The following TICAM2 variants were observed in gnomAD, a reference collection of about 807,000 sequenced individuals.
TICAM2 encodes TIR domain containing adaptor molecule 2, also known as TIR domain-containing adapter molecule 2.
A neutral mutation model predicts 7.3 loss-of-function variants in TICAM2; 8 were observed. That is an observed-to-expected ratio of 1.10 (90% confidence interval 0.65 to 1.99). The LOEUF is 1.99. Ranked by LOEUF, TICAM2 falls within the 30% of genes most tolerant of loss-of-function variation. The pLI is 0.00. For synonymous variants in TICAM2, 113 were observed against 99.6 expected (o/e 1.13, Z -0.80); for missense variants, 304 against 278.8 (o/e 1.09, Z -0.65).
In TICAM2 at chr5:115,580,480, GC is replaced by G. The variant is rs1754875863; in HGVS notation, c.*68del. Reference sequence around the variant, plus strand: ...TTTATTTAAACATTTCCTAGAAACTGCTTTCTCAAGTGAAGATTAATCATTT... The same window carrying G: ...TTTATTTAAACATTTCCTAGAAACTGTTTCTCAAGTGAAGATTAATCATTT... On this transcript the variant is annotated 3_prime_UTR_variant, in exon 2 of 2. Coordinates refer to ENST00000427199, the MANE Select transcript of TICAM2 (RefSeq NM_021649.7). 1 of 1,453,358 alleles carries G rather than the reference GC, an allele frequency of 6.9e-7. No individual in the cohort carries two copies. The highest frequency in any genetic ancestry group is 2.5e-5 in the East Asian group (1 of 40,038). The allele number at this position is 1,453,358 out of a possible 1,614,324, so 90.0% of individuals were successfully genotyped here.
chr5:115,593,819 C>T (rs1561577563), intron 1 of TICAM2, among the ~76,000 whole-genome samples: 1 of 152,078 alleles, frequency 6.6e-6, no homozygotes, highest in African/African-American at 2.4e-5. Context: ...AAATGTTAGA[C>T]AAATTGCTAA....
rs73254573 is a variant in TICAM2, at chr5:115,591,684, C to T, written c.-59-10369G>A. 8.8e-3 allele frequency among the ~76,000 whole-genome samples: 1,334 copies of T among 151,896 alleles called. 15 individuals are homozygous for T. The highest frequency in any genetic ancestry group is 0.031 in the African/African-American group (1,269 of 41,418). On this transcript the variant is annotated intron_variant, in intron 1 of 1. Transcript: ENST00000427199. ...TAGATTAGATCAGCAGCAGAAGGAA[C>T]TCATGAACTAGAAAACAAGCTAGAA...
At chr5:115,600,661 C>T (rs1755691459) in intron 1 of TICAM2, among the ~76,000 whole-genome samples, 1 of 152,136 alleles carries the variant, frequency 6.6e-6, no homozygotes, top group African/African-American at 2.4e-5. Flanking sequence ...AAGATGAGAA[C>T]TGTGCACAGA....
In TICAM2 at chr5:115,579,341, T is replaced by C. The variant is rs1754833148; in HGVS notation, c.*1208A>G. 1 of 152,568 alleles carries C rather than the reference T, an allele frequency of 6.6e-6. No homozygotes were observed. The highest frequency in any genetic ancestry group is 2.4e-5 in the African/African-American group (1 of 41,454). The allele number at this position is 152,568 out of a possible 1,614,324, so 9.5% of individuals were successfully genotyped here. A position where few individuals can be genotyped will look rare whatever the true frequency, so the allele number is the denominator to read the frequency against. On this transcript the variant is annotated 3_prime_UTR_variant, in exon 2 of 2. Coordinates refer to ENST00000427199, the MANE Select transcript of TICAM2 (RefSeq NM_021649.7). The stretch of plus-strand genomic sequence containing the variant: ...GATCCATCAATTCAACCCTTTCATT[T>C]CACAGATAAAGGAGGGTAAATAGTT...
chr5:115,599,433 A>G (rs910870713), intron 1 of TICAM2, among the ~76,000 whole-genome samples: 2 of 152,220 alleles, frequency 1.3e-5, no homozygotes, highest in African/African-American at 4.8e-5. Flanking sequence ...TTATAAAAAC[A>G]TAGAACTTAA....
rs768218503 is a variant in TICAM2 at position 115,580,958 on chromosome 5, A to G, written c.299T>C (p.Leu100Pro). The G allele has an allele frequency of 3.2e-5, 51 of 1,613,442 alleles. No individual in the cohort carries two copies. Among genetic ancestry groups the G allele is most frequent in the Non-Finnish European group, 3.2e-5 (38 of 1,179,630 alleles). The change falls in exon 2 of 2, where the codon CTA (leucine) becomes CCA (proline). Residue 100 changes from leucine to proline, a missense_variant. By Grantham distance (98) the Leu-to-Pro change is moderately conservative. Coordinates refer to ENST00000427199, the MANE Select transcript of TICAM2 (RefSeq NM_021649.7). ...GGGTTTGATACCAAAGTCATCTTGT[A>G]GCAGATTCTGGACTCTGAGGGCTTC... is the stretch of plus-strand genomic sequence containing the variant. ...TDEALRVQNL[L>P]QDDFGIKPGI...
At chr5:115,587,391 G>A (rs1019375985) in intron 1 of TICAM2, among the ~76,000 whole-genome samples, 4 of 152,268 alleles carry the variant, frequency 2.6e-5, no homozygotes, top group African/African-American at 9.6e-5. Flanking sequence ...ATATGAAGGA[G>A]AGTTGTATTC....
At position 115,580,949 on chromosome 5, in the gene TICAM2, T is replaced by G. The variant is rs1194666574; in HGVS notation, c.308A>C (p.Asp103Ala). Reference sequence around the variant, plus strand: ...GATTATTCCGGGTTTGATACCAAAGTCATCTTGTAGCAGATTCTGGACTCT... The same window carrying G: ...GATTATTCCGGGTTTGATACCAAAGGCATCTTGTAGCAGATTCTGGACTCT... ...ALRVQNLLQD[D>A]FGIKPGIIFA... is the part of the protein sequence containing the mutation. The change falls in exon 2 of 2, where the codon GAC becomes GCC. Residue 103 changes from aspartate (D) to alanine (A), a missense_variant. By Grantham distance (126) the Asp-to-Ala change is moderately radical. Coordinates refer to ENST00000427199, the MANE Select transcript of TICAM2 (RefSeq NM_021649.7). 6.2e-7 allele frequency: 1 copy of G among 1,613,520 alleles called. No individual in the cohort carries two copies. The highest frequency in any genetic ancestry group is 8.5e-7 in the Non-Finnish European group (1 of 1,179,590).
chr5:115,592,577 C>T (rs1386092129), intron 1 of TICAM2, among the ~76,000 whole-genome samples: 2 of 151,420 alleles, frequency 1.3e-5, no homozygotes, highest in African/African-American at 2.4e-5. Context: ...CAAATAGTAG[C>T]CAAATATGTA....
chr5:115,584,821 AGAAG>A (rs1755046559), intron 1 of TICAM2, among the ~76,000 whole-genome samples: 1 of 152,212 alleles, frequency 6.6e-6, no homozygotes, highest in African/African-American at 2.4e-5. Flanking sequence ...GCCTGAGATA[AGAAG>A]GAAGGAGAGT....
At chr5:115,582,887 C>CAG (rs1554092244) in intron 1 of TICAM2, among the ~76,000 whole-genome samples, 1 of 151,868 alleles carries the variant, frequency 6.6e-6, no homozygotes, top group Non-Finnish European at 1.5e-5. Context: ...AGGAAAAAAA[C>CAG]AGAGAATTTC....
chr5:115,579,802 CT>C lies in TICAM2; in HGVS notation c.*746del, dbSNP rs2127189212. 6.6e-6 allele frequency: 1 copy of C among 152,220 alleles called. No homozygotes were observed. The highest frequency in any genetic ancestry group is 1.9e-4 in the East Asian group (1 of 5,174). The allele number at this position is 152,220 out of a possible 1,614,324, so 9.4% of individuals were successfully genotyped here. A position where few individuals can be genotyped will look rare whatever the true frequency, so the allele number is the denominator to read the frequency against. On this transcript the variant is annotated 3_prime_UTR_variant, in exon 2 of 2. Coordinates refer to ENST00000427199, the MANE Select transcript of TICAM2 (RefSeq NM_021649.7). ...TCTGGCCACTCACACAGTTATACGC[CT>C]TTTAGAAGCTCTGCAAATAAAGCCA...
At chr5:115,595,673 C>A (rs897803271) in intron 1 of TICAM2, among the ~76,000 whole-genome samples, 1 of 152,166 alleles carries the variant, frequency 6.6e-6, no homozygotes, top group Non-Finnish European at 1.5e-5. Context: ...CATTCTAGGC[C>A]CTTTATGATC....
At chr5:115,589,236 A>G (rs991647498) in intron 1 of TICAM2, among the ~76,000 whole-genome samples, 11 of 152,204 alleles carry the variant, frequency 7.2e-5, no homozygotes, top group African/African-American at 2.4e-4. Context: ...GGCCCTTCAC[A>G]GAAAAAGTGT....
intron 1 of TICAM2, among the ~76,000 whole-genome samples, chr5:115,598,771 T>G (rs1755605828): frequency 6.6e-6 from 1 of 152,224 alleles, no homozygotes; most frequent in African/African-American, 2.4e-5. Context: ...GGAATTTTCT[T>G]CTTTTCTTTT....
rs1334187706 is a variant in TICAM2 at position 115,578,629 on chromosome 5, TAAAC to T, written c.*1916_*1919del. 1.3e-5 allele frequency: 2 copies of T among 152,182 alleles called. No individual in the cohort carries two copies. 9.4% of individuals were successfully genotyped at this position (152,182 alleles called of 1,614,324 possible). A position where few individuals can be genotyped will look rare whatever the true frequency, so the allele number is the denominator to read the frequency against. ...CCACAATCTTCATTGGAGTTGAAAA[TAAAC>T]AAGTTTAGTCAAGAGTAAAGAATAA... On this transcript the variant is annotated 3_prime_UTR_variant, in exon 2 of 2. Transcript: ENST00000427199.
Position 115,580,909 on chromosome 5 carries a change from T to G in TICAM2, c.348A>C (p.Pro116=), listed in dbSNP as rs765539222. ...IKPGIIFAEM[P]CGRQHLQNLD... ...AATTCTGTAAATGCTGTCTGCCACATGGCATCTCAGCAAAGATTATTCCGG... is the reference window on the plus strand; with the variant it reads ...AATTCTGTAAATGCTGTCTGCCACAGGGCATCTCAGCAAAGATTATTCCGG... The change falls in exon 2 of 2, where the codon CCA becomes CCC. Residue 116 remains proline, a synonymous_variant. Coordinates refer to ENST00000427199, the MANE Select transcript of TICAM2 (RefSeq NM_021649.7). 6.2e-7 allele frequency: 1 copy of G among 1,613,784 alleles called. No homozygotes were observed. The highest frequency in any genetic ancestry group is 8.5e-7 in the Non-Finnish European group (1 of 1,179,786).
Position 115,581,049 on chromosome 5 carries a change from CA to C in TICAM2, c.207del (p.Phe69LeufsTer14). ...QEGAQSVEEMFEEEAEEEVFL... is the reference protein window; with the variant it reads ...QEGAQSVEEMXEEEAEEEVFL... ...AACACCTCTTCTTCAGCTTCTTCTT[CA>C]AACATCTCTTCCACGCTCTGAGCTC... On this transcript the variant is annotated frameshift_variant, in exon 2 of 2. Coordinates refer to ENST00000427199, the MANE Select transcript of TICAM2 (RefSeq NM_021649.7). LOFTEE classifies it high-confidence loss of function. The C allele has an allele frequency of 6.2e-7, 1 of 1,614,186 alleles. No homozygotes were observed. Among genetic ancestry groups the C allele is most frequent in the Non-Finnish European group, 8.5e-7 (1 of 1,180,036 alleles).
chr5:115,591,564 G>A (rs1482420530), intron 1 of TICAM2, among the ~76,000 whole-genome samples: 1 of 151,922 alleles, frequency 6.6e-6, no homozygotes, highest in Non-Finnish European at 1.5e-5. Flanking sequence ...TCAGATAACT[G>A]CAAACTTTAA....
Sources: allele counts gnomAD v4.1 joint callset (sites outside exome capture counted in the v4.1 genomes callset), GRCh38; gene constraint gnomAD v4.1.1; transcripts MANE v1.5; gene names NCBI Gene and HGNC (gene_info 2026-07-23, HGNC 2026-07-21).